TSTD2: variants seen among roughly 807,000 people sequenced by gnomAD.
TSTD2 encodes thiosulfate sulfurtransferase like domain containing 2.
In TSTD2, 37 loss-of-function variants were observed where a neutral mutation model predicts 47.9. That is an observed-to-expected ratio of 0.77 (90% CI 0.59 to 1.02). The LOEUF (loss-of-function observed/expected upper bound fraction) is 1.02, where lower values mean the gene tolerates loss of function less well. Ranked by LOEUF, TSTD2 falls within the 50% of genes least tolerant of loss-of-function variation. The probability of loss-of-function intolerance (pLI) is 0.00; values close to 1 mark genes in which losing one functional copy is unlikely to be tolerated. For missense variants in TSTD2, 586 were observed against 616.0 expected (o/e 0.95, Z 0.52); for synonymous variants, 201 against 215.9 (o/e 0.93, Z 0.61).
rs1587972142 is a variant in TSTD2 at position 97,601,025 on chromosome 9, T to C, written c.*1444A>G. The C allele has an allele frequency of 7.7e-7, 1 of 1,295,558 alleles. No homozygotes were observed. Among genetic ancestry groups the C allele is most frequent in the East Asian group, 5.7e-5 (1 of 17,640 alleles). The allele number at this position is 1,295,558 out of a possible 1,614,324, so 80.3% of individuals were successfully genotyped here. ...AGCAGAGAGGCTGGTGATGAAAAGG[T>C]GAAGGCCTGCGCACTGAACTGTAAG... is the stretch of plus-strand genomic sequence containing the variant. On this transcript the variant is annotated 3_prime_UTR_variant, in exon 10 of 10. Transcript: ENST00000341170.
chr9:97,617,255 C>T, intron 4 of TSTD2, among the ~76,000 whole-genome samples: 1 of 152,154 alleles, frequency 6.6e-6, no homozygotes. Flanking sequence ...AAGGAAACAG[C>T]AAATGTCAAT....
intron 3 of TSTD2, among the ~76,000 whole-genome samples, chr9:97,622,753 A>G (rs1439290564): frequency 6.6e-6 from 1 of 152,202 alleles, no homozygotes; most frequent in Non-Finnish European, 1.5e-5. Flanking sequence ...ATCATTTTGG[A>G]GCTTTAAAAT....
chr9:97,610,735 C>G (rs1197321195), intron 5 of TSTD2: 1 of 217,086 alleles, frequency 4.6e-6, no homozygotes, highest in East Asian at 9.4e-5. Flanking sequence ...GTGACTATAC[C>G]CGGTTTTCAT....
At chr9:97,627,139 G>T (rs1826735188) in intron 2 of TSTD2, among the ~76,000 whole-genome samples, 1 of 151,724 alleles carries the variant, frequency 6.6e-6, no homozygotes, top group Admixed American at 6.6e-5. Context: ...TTTGTTTATG[G>T]TCTTTTTTGA....
At chr9:97,620,593 G>A (rs1008580854) in intron 3 of TSTD2, among the ~76,000 whole-genome samples, 14 of 152,184 alleles carry the variant, frequency 9.2e-5, no homozygotes, top group Non-Finnish European at 1.9e-4. Flanking sequence ...TTGTTGAATG[G>A]CTTTGACCAA....
chr9:97,606,091 G>T, intron 7 of TSTD2, 52 bp downstream of exon 7: 2 of 1,277,028 alleles, frequency 1.6e-6, no homozygotes, highest in Non-Finnish European at 2.3e-6. Flanking sequence ...ACCACACTGT[G>T]GGAATGGGGA....
At position 97,602,313 on chromosome 9, in the gene TSTD2, C is replaced by T; in HGVS notation, c.*156G>A. ...GTAAGTGGTAGACAACGTGACTCCT[C>T]CCCTCCCGCTGTGAAGTGTAGACGG... On this transcript the variant is annotated 3_prime_UTR_variant, in exon 10 of 10. Transcript: ENST00000341170. 5 of 833,448 alleles carry T rather than the reference C, an allele frequency of 6.0e-6. No individual in the cohort carries two copies. Among genetic ancestry groups the T allele is most frequent in the East Asian group, 5.4e-5 (2 of 36,726 alleles). The allele number at this position is 833,448 out of a possible 1,614,324, so 51.6% of individuals were successfully genotyped here. A position where few individuals can be genotyped will look rare whatever the true frequency, so the allele number is the denominator to read the frequency against.
At chr9:97,614,300 A>G (rs1195089340) in intron 4 of TSTD2, among the ~76,000 whole-genome samples, 1 of 152,132 alleles carries the variant, frequency 6.6e-6, no homozygotes, top group Non-Finnish European at 1.5e-5. Context: ...AAAACCATCG[A>G]TAACCCTACA....
chr9:97,616,938 T>A (rs1028462574), intron 4 of TSTD2, among the ~76,000 whole-genome samples: 2 of 152,244 alleles, frequency 1.3e-5, no homozygotes, highest in African/African-American at 4.8e-5. Flanking sequence ...GGTTTTGTCA[T>A]GAACATGCAT....
At chr9:97,624,445 G>T (rs1012747220) in intron 3 of TSTD2, among the ~76,000 whole-genome samples, 4 of 152,256 alleles carry the variant, frequency 2.6e-5, no homozygotes, top group East Asian at 3.9e-4. Flanking sequence ...GCAATGAGAT[G>T]ACTGCAAGTT....
At position 97,600,888 on chromosome 9, in the gene TSTD2, C is replaced by A; in HGVS notation, c.*1581G>T. On this transcript the variant is annotated 3_prime_UTR_variant, in exon 10 of 10. Coordinates refer to ENST00000341170, the MANE Select transcript of TSTD2 (RefSeq NM_139246.5). ...CAATGCCCTTGTGCCTTTTAATATA[C>A]CACAGTGCCAGTTAAACTAATATTT... 8.7e-7 allele frequency: 1 copy of A among 1,145,820 alleles called. No homozygotes were observed. The highest frequency in any genetic ancestry group is 1.1e-6 in the Non-Finnish European group (1 of 916,196). 71.0% of individuals were successfully genotyped at this position (1,145,820 alleles called of 1,614,324 possible). A position where few individuals can be genotyped will look rare whatever the true frequency, so the allele number is the denominator to read the frequency against.
intron 1 of TSTD2, among the ~76,000 whole-genome samples, chr9:97,631,191 A>G (rs1826804198): frequency 6.6e-6 from 1 of 151,974 alleles, no homozygotes; most frequent in Non-Finnish European, 1.5e-5. Context: ...ATCTCGGCTC[A>G]CTGCAACCTC....
chr9:97,605,230 G>A (rs1826345012), intron 8 of TSTD2, among the ~76,000 whole-genome samples: 1 of 152,334 alleles, frequency 6.6e-6, no homozygotes, highest in East Asian at 1.9e-4. Flanking sequence ...CAGGAAAAGG[G>A]AGATGTTAAC....
chr9:97,604,870 G>C lies in TSTD2; in HGVS notation c.1114-5C>G. 6.2e-7 allele frequency: 1 copy of C among 1,612,908 alleles called. No homozygotes were observed. Among genetic ancestry groups the C allele is most frequent in the Non-Finnish European group, 8.5e-7 (1 of 1,179,490 alleles). On this transcript the variant is annotated splice_polypyrimidine_tract_variant and splice_region_variant and intron_variant, in intron 8 of 9. Transcript: ENST00000341170. ...GAACACCTCCTTGCACACTCCCTAG[G>C]TGTGGAAAAACAACAGGAAATCTGA... is the stretch of plus-strand genomic sequence containing the variant.
chr9:97,633,267 G>A lies in TSTD2; in HGVS notation c.-75C>T, dbSNP rs967235586. 1 of 221,894 alleles carries A rather than the reference G, an allele frequency of 4.5e-6. No individual in the cohort carries two copies. Among genetic ancestry groups the A allele is most frequent in the Non-Finnish European group, 8.8e-6 (1 of 113,970 alleles). The allele number at this position is 221,894 out of a possible 1,614,324, so 13.7% of individuals were successfully genotyped here. ...CCCGCCAGTCCTGATCCTTTCTAAG[G>A]TCTCTCTTCCCTGCACTGTCTCCGC... On this transcript the variant is annotated 5_prime_UTR_variant, in exon 1 of 10. Coordinates refer to ENST00000341170, the MANE Select transcript of TSTD2 (RefSeq NM_139246.5).
chr9:97,605,783 C>G (rs1300633630), intron 7 of TSTD2, 142 bp from the exon 8 acceptor site: 2 of 1,139,152 alleles, frequency 1.8e-6, no homozygotes, highest in Admixed American at 5.2e-5. Context: ...GACCTTTCAA[C>G]TTCAAGATCT....
At chr9:97,629,664 A>G (rs1367215616) in intron 1 of TSTD2, among the ~76,000 whole-genome samples, 1 of 152,246 alleles carries the variant, frequency 6.6e-6, no homozygotes, top group Non-Finnish European at 1.5e-5. Context: ...TCCAGGCAGA[A>G]GTAAAATAAG....
intron 1 of TSTD2, 112 bp from the exon 2 acceptor site, chr9:97,627,724 T>A: frequency 1.6e-6 from 1 of 608,218 alleles, no homozygotes; most frequent in Non-Finnish European, 2.8e-6. Flanking sequence ...AAGCTAACCA[T>A]CCATTTACTT....
rs935596458 is a variant in TSTD2, at chr9:97,617,985, C to T, written c.483-108G>A. On this transcript the variant is annotated intron_variant, in intron 3 of 9. Coordinates refer to ENST00000341170, the MANE Select transcript of TSTD2 (RefSeq NM_139246.5). ...CTGAGGGAAGGCTAAGATGAGGACACTCATGCCTGTCTTTGCTGTGATGAT... is the reference window on the plus strand; with the variant it reads ...CTGAGGGAAGGCTAAGATGAGGACATTCATGCCTGTCTTTGCTGTGATGAT... The T allele has an allele frequency of 7.9e-6, 11 of 1,400,222 alleles. No homozygotes were observed. The South Asian group carries it at 8.7e-5, about 11-fold the overall frequency. The allele number at this position is 1,400,222 out of a possible 1,614,324, so 86.7% of individuals were successfully genotyped here.
Sources: allele counts gnomAD v4.1 joint callset (sites outside exome capture counted in the v4.1 genomes callset), GRCh38; gene constraint gnomAD v4.1.1; transcripts MANE v1.5; gene names NCBI Gene and HGNC (gene_info 2026-07-23, HGNC 2026-07-21).